The following ANKRD28 variants were observed in gnomAD, a reference collection of about 807,000 sequenced individuals.
ANKRD28 encodes ankyrin repeat domain 28, also known as serine/threonine-protein phosphatase 6 regulatory ankyrin repeat subunit A.
ANKRD28 carries 44 observed loss-of-function variants against 126.5 expected under a neutral mutation model. That is an observed-to-expected ratio of 0.35 (90% CI 0.27 to 0.45). The LOEUF (loss-of-function observed/expected upper bound fraction) is 0.45. Ranked by LOEUF, ANKRD28 falls within the 20% of genes least tolerant of loss-of-function variation. ANKRD28 has a pLI of 1.00. For synonymous variants in ANKRD28, 442 were observed against 468.5 expected (o/e 0.94, Z 0.73); for missense variants, 1,110 against 1,316.6 (o/e 0.84, Z 2.43).
chr3:15,775,703 C>T (rs964877349), intron 2 of ANKRD28, among the ~76,000 whole-genome samples: 2 of 152,120 alleles, frequency 1.3e-5, no homozygotes, highest in African/African-American at 2.4e-5. Context: ...ATGAAAGAGA[C>T]GTATAAGGCA....
At chr3:15,709,813 G>A in intron 12 of ANKRD28, 77 bp from the exon 13 acceptor site, 2 of 876,554 alleles carry the variant, frequency 2.3e-6, no homozygotes, top group Admixed American at 3.1e-5. Context: ...AAAGAAGCAT[G>A]AAAGCATGTT....
At chr3:15,786,780 A>G (rs1353922623) in intron 2 of ANKRD28, among the ~76,000 whole-genome samples, 3 of 152,102 alleles carry the variant, frequency 2.0e-5, no homozygotes, top group Non-Finnish European at 2.9e-5. Context: ...AACCATCAGC[A>G]TTACTTCTGA....
At chr3:15,686,387 C>G in intron 18 of ANKRD28, 78 bp from the exon 19 acceptor site, 1 of 1,156,110 alleles carries the variant, frequency 8.6e-7, no homozygotes, top group Non-Finnish European at 1.2e-6. Context: ...AGCACATCTT[C>G]TAGAATTTAC....
chr3:15,799,360 T>C (rs1297240605), upstream of ANKRD28, among the ~76,000 whole-genome samples: 1 of 150,536 alleles, frequency 6.6e-6, no homozygotes, highest in Admixed American at 6.6e-5. Flanking sequence ...AATATAAGAA[T>C]GTCAGAATTT....
chr3:15,780,388 A>G (rs1418193574), intron 2 of ANKRD28, among the ~76,000 whole-genome samples: 1 of 152,166 alleles, frequency 6.6e-6, no homozygotes, highest in Admixed American at 6.6e-5. Context: ...GTATACTAAA[A>G]ACTATAAAAC....
chr3:15,707,985 C>T lies in ANKRD28; in HGVS notation c.1486G>A (p.Asp496Asn). ...GGTGTGCAGCCTCTTTCATCAAGGT[C>T]ATTCACACTTGCTCCTGATCCCACA... ...ALVGSGASVN[D>N]LDERGCTPLH... Residue 496 changes from aspartate (D) to asparagine (N), a missense_variant, in exon 14 of 28, where the codon GAC (aspartate) becomes AAC (asparagine). Asp to Asn is a conservative substitution (Grantham distance 23). Coordinates refer to ENST00000683139, the MANE Select transcript of ANKRD28 (RefSeq NM_001349278.2). 1.2e-6 allele frequency: 2 copies of T among 1,612,340 alleles called. No individual in the cohort carries two copies. Among genetic ancestry groups the T allele is most frequent in the Non-Finnish European group, 8.5e-7 (1 of 1,179,204 alleles).
intron 4 of ANKRD28, among the ~76,000 whole-genome samples, chr3:15,744,224 A>C (rs574676552): frequency 6.6e-6 from 1 of 152,212 alleles, no homozygotes; most frequent in African/African-American, 2.4e-5. Flanking sequence ...TACAGAAGTT[A>C]TATCTTTTTG....
rs1340416513 is a variant in ANKRD28 at position 15,839,739 on chromosome 3, T to C, written c.27+19638A>G. On this transcript the variant is annotated intron_variant, in intron 1 of 27. Coordinates refer to the ANKRD28 transcript ENST00000399451. The surrounding 1 kb of genome is among the most constrained non-coding windows in gnomAD (Gnocchi z 4.3). ...ACTTATCCCCCGAGGGATGCAAGGATGGTTCAACACATGCAATCAATTAAT... is the reference window on the plus strand; with the variant it reads ...ACTTATCCCCCGAGGGATGCAAGGACGGTTCAACACATGCAATCAATTAAT... 6.6e-6 allele frequency among the ~76,000 whole-genome samples: 1 copy of C among 152,180 alleles called. No homozygotes were observed. Among genetic ancestry groups the C allele is most frequent in the African/African-American group, 2.4e-5 (1 of 41,438 alleles).
Position 15,797,175 on chromosome 3 carries a change from T to C in ANKRD28, c.-654A>G. 1 of 981,928 alleles carries C rather than the reference T, an allele frequency of 1.0e-6. No homozygotes were observed. The highest frequency in any genetic ancestry group is 4.7e-5 in the South Asian group (1 of 21,064). The allele number at this position is 981,928 out of a possible 1,614,324, so 60.8% of individuals were successfully genotyped here. On this transcript the variant is annotated 5_prime_UTR_variant, in exon 1 of 28. Coordinates refer to ENST00000683139, the MANE Select transcript of ANKRD28 (RefSeq NM_001349278.2). The stretch of plus-strand genomic sequence containing the variant: ...AATGAAGCTCAGAGGTTAACAATTC[T>C]TTCAGTGTTTGGGAAAGGGGCAAAA...
At position 15,707,809 on chromosome 3, in the gene ANKRD28, A is replaced by C. The variant is rs1372473111; in HGVS notation, c.1547+115T>G. 5.4e-6 allele frequency: 7 copies of C among 1,288,908 alleles called. No homozygotes were observed. The East Asian group carries it at 1.8e-4, about 32-fold the overall frequency. 79.8% of individuals were successfully genotyped at this position (1,288,908 alleles called of 1,614,324 possible). A position where few individuals can be genotyped will look rare whatever the true frequency, so the allele number is the denominator to read the frequency against. The stretch of plus-strand genomic sequence containing the variant: ...ATTTCCCAAAATAGACTTAGGGCAA[A>C]GATAATCAACAAAAAATACAAAGAG... On this transcript the variant is annotated intron_variant, in intron 14 of 27. Coordinates refer to ENST00000683139, the MANE Select transcript of ANKRD28 (RefSeq NM_001349278.2).
At chr3:15,689,204 C>A (rs965017338) in intron 18 of ANKRD28, among the ~76,000 whole-genome samples, 3 of 152,178 alleles carry the variant, frequency 2.0e-5, no homozygotes, top group African/African-American at 7.2e-5. Flanking sequence ...TTTTTCAGCT[C>A]TTTGGGCCAC....
chr3:15,726,340 C>G (rs989217351), intron 6 of ANKRD28, among the ~76,000 whole-genome samples: 1 of 148,406 alleles, frequency 6.7e-6, no homozygotes, highest in Non-Finnish European at 1.5e-5. Flanking sequence ...AAAAATTCTC[C>G]AAGAAAATTA....
Position 15,696,004 on chromosome 3 carries a change from A to AGGTATATAAATT in ANKRD28, c.1659+118_1659+129dup, listed in dbSNP as rs2069495476. Reference sequence around the variant, plus strand: ...TTACTAAAGCAAGTGTGAATTTAAGAGGTATATAAATTCTGAAAATGTTAA... The same window carrying AGGTATATAAATT: ...TTACTAAAGCAAGTGTGAATTTAAGAGGTATATAAATTGGTATATAAATTCTGAAAATGTTAA... On this transcript the variant is annotated intron_variant, in intron 15 of 27. Coordinates refer to ENST00000683139, the MANE Select transcript of ANKRD28 (RefSeq NM_001349278.2). 2.4e-5 allele frequency: 16 copies of AGGTATATAAATT among 662,874 alleles called. No homozygotes were observed. In the South Asian group the frequency reaches 2.6e-4, roughly 11 times the overall value. 41.1% of individuals were successfully genotyped at this position (662,874 alleles called of 1,614,324 possible).
chr3:15,777,575 C>T (rs1040033151), intron 2 of ANKRD28, among the ~76,000 whole-genome samples: 2 of 151,940 alleles, frequency 1.3e-5, no homozygotes, highest in African/African-American at 4.8e-5. Flanking sequence ...TATACAAAGA[C>T]ACATGTGTTC....
In ANKRD28 at chr3:15,796,657, T is replaced by TTTA. The variant is rs2060291052; in HGVS notation, c.-137_-136insTAA. 1.0e-6 allele frequency: 1 copy of TTTA among 972,718 alleles called. No homozygotes were observed. The highest frequency in any genetic ancestry group is 1.2e-6 in the Non-Finnish European group (1 of 812,310). 60.3% of individuals were successfully genotyped at this position (972,718 alleles called of 1,614,324 possible). A position where few individuals can be genotyped will look rare whatever the true frequency, so the allele number is the denominator to read the frequency against. ...AGCACAGCTGGGTTTTTTTTTTTTT[T>TTTA]AAAGTTAATAAGTACTACTGGAAAA... On this transcript the variant is annotated 5_prime_UTR_variant, in exon 1 of 28. Transcript: ENST00000683139.
chr3:15,705,697 T>C (rs1000804457), intron 14 of ANKRD28, among the ~76,000 whole-genome samples: 2 of 152,228 alleles, frequency 1.3e-5, no homozygotes, highest in Admixed American at 1.3e-4. Flanking sequence ...CACATTACTA[T>C]TGCCTTTAAG....
chr3:15,843,984 C>A lies in ANKRD28; in HGVS notation c.27+15393G>T, dbSNP rs1266594797. 6.6e-6 allele frequency among the ~76,000 whole-genome samples: 1 copy of A among 151,928 alleles called. No individual in the cohort carries two copies. The highest frequency in any genetic ancestry group is 1.5e-5 in the Non-Finnish European group (1 of 67,986). On this transcript the variant is annotated intron_variant, in intron 1 of 27. Transcript: ENST00000399451. The surrounding 1 kb of genome is among the most constrained non-coding windows in gnomAD (Gnocchi z 5.2). The stretch of plus-strand genomic sequence containing the variant: ...GGAGGTTAAGGTGGAAATGCAGGAA[C>A]GAAAGCTGGGTAGGGTAGGTGATAG...
rs2066033066 is a variant in ANKRD28, at chr3:15,667,363, AAGG to A, written c.*2904_*2906del. The A allele has an allele frequency of 6.6e-6, 1 of 152,266 alleles. No homozygotes were observed. Among genetic ancestry groups the A allele is most frequent in the Non-Finnish European group, 1.5e-5 (1 of 68,052 alleles). 9.4% of individuals were successfully genotyped at this position (152,266 alleles called of 1,614,324 possible). A position where few individuals can be genotyped will look rare whatever the true frequency, so the allele number is the denominator to read the frequency against. ...ATTGTTTGAGATGAGTGTCTTGTTA[AAGG>A]AGGTCATTTGCTATTACCACCATTT... On this transcript the variant is annotated 3_prime_UTR_variant, in exon 28 of 28. Transcript: ENST00000683139.
chr3:15,710,834 G>C (rs983299439), intron 12 of ANKRD28, among the ~76,000 whole-genome samples: 1 of 151,154 alleles, frequency 6.6e-6, no homozygotes, highest in African/African-American at 2.4e-5. Flanking sequence ...TTTTTTCCTG[G>C]GGGAAAAAAA....
Sources: gnomAD v4.1 joint callset for allele counts (sites outside exome capture counted in the v4.1 genomes callset) on GRCh38, gnomAD v4.1.1 for gene constraint, Gnocchi (gnomAD v3.1) non-coding constraint, MANE v1.5 for transcripts, NCBI Gene and HGNC (gene_info 2026-07-23, HGNC 2026-07-21) for gene names.